Variants in LMO7 observed in about 807,000 individuals in gnomAD.
LMO7 encodes LIM domain 7.
LMO7 carries 120 observed loss-of-function variants against 206.5 expected under a neutral mutation model. The ratio of observed to expected loss-of-function variants is 0.58; its 90% CI spans 0.50 to 0.68. LMO7 has a LOEUF of 0.68. Among genes scored for constraint, LMO7 ranks in the 30% least tolerant of loss-of-function variants. The pLI is 0.00. For missense variants in LMO7, 1,959 were observed against 1,957.9 expected, an observed-to-expected ratio of 1.00 and a Z score of -0.01; for synonymous variants, 706 against 681.5, an observed-to-expected ratio of 1.04 and a Z score of -0.56.
chr13:75,843,278 C>T (rs1040579678), intron 25 of LMO7, among the ~76,000 whole-genome samples: 4 of 152,084 alleles, frequency 2.6e-5, no homozygotes, highest in South Asian at 4.1e-4. Flanking sequence ...TTTTGATATC[C>T]GCTGAGCCAG....
chr13:75,820,411 A>G (rs1453075104), intron 13 of LMO7, among the ~76,000 whole-genome samples: 1 of 152,160 alleles, frequency 6.6e-6, no homozygotes. Flanking sequence ...GTAATCTTTT[A>G]TTTTTACTAA....
At chr13:75,778,408 A>G (rs1021491602) in intron 4 of LMO7, among the ~76,000 whole-genome samples, 2 of 151,224 alleles carry the variant, frequency 1.3e-5, no homozygotes, top group African/African-American at 4.9e-5. Context: ...AATTTTTTGT[A>G]TTTTTAGTAG....
intron 3 of LMO7, among the ~76,000 whole-genome samples, chr13:75,732,656 C>T (rs2045368011): frequency 6.6e-6 from 1 of 152,180 alleles, no homozygotes; most frequent in African/African-American, 2.4e-5. Context: ...AGCTTTGTTC[C>T]ATTGCTGGTG....
chr13:75,661,248 A>G (rs2139260273), intron 1 of LMO7, among the ~76,000 whole-genome samples: 1 of 152,288 alleles, frequency 6.6e-6, no homozygotes, highest in African/African-American at 2.4e-5. Context: ...CTGTGTATAT[A>G]TAGTAGATGC....
intron 2 of LMO7, chr13:75,628,039 T>C (rs2034443493): frequency 1.3e-5 from 2 of 152,310 alleles, no homozygotes; most frequent in Middle Eastern, 3.4e-3. Flanking sequence ...TTTCAAATTA[T>C]GGGGTTGGTC....
intron 4 of LMO7, among the ~76,000 whole-genome samples, chr13:75,790,981 C>T (rs1229991517): frequency 7.8e-6 from 1 of 128,778 alleles, no homozygotes; most frequent in Non-Finnish European, 1.6e-5. Flanking sequence ...TCATATCTAC[C>T]CCTTTTTTTT....
At chr13:75,775,530 T>A (rs1054087995) in intron 4 of LMO7, among the ~76,000 whole-genome samples, 1 of 152,058 alleles carries the variant, frequency 6.6e-6, no homozygotes. Flanking sequence ...AGAGTAAATG[T>A]ATAATCTAAA....
chr13:75,723,252 A>G (rs955551995), intron 2 of LMO7, among the ~76,000 whole-genome samples: 1 of 152,208 alleles, frequency 6.6e-6, no homozygotes, highest in African/African-American at 2.4e-5. Flanking sequence ...TAATGCCTTT[A>G]TTATATCTTT....
chr13:75,779,064 T>G (rs2050924498), intron 4 of LMO7, among the ~76,000 whole-genome samples: 1 of 152,094 alleles, frequency 6.6e-6, no homozygotes, highest in Non-Finnish European at 1.5e-5. Context: ...GAAAGGGAGT[T>G]GTTTGGCTTA....
intron 6 of LMO7, among the ~76,000 whole-genome samples, chr13:75,797,396 C>G (rs890192446): frequency 3.9e-5 from 6 of 152,130 alleles, no homozygotes; most frequent in Non-Finnish European, 8.8e-5. Flanking sequence ...CAGGACTGAC[C>G]GTAGTTCTGC....
intron 3 of LMO7, among the ~76,000 whole-genome samples, chr13:75,727,894 C>T (rs182870794): frequency 2.5e-3 from 383 of 151,452 alleles, no homozygotes; most frequent in Non-Finnish European, 3.8e-3. Flanking sequence ...TTTGTCCTTG[C>T]GATAGTTTAC....
upstream of LMO7, chr13:75,636,310 C>G (rs931795087): frequency 1.5e-5 from 16 of 1,094,262 alleles, no homozygotes; most frequent in African/African-American, 2.6e-4. Context: ...ACGGCGGCGG[C>G]GCTGCGACTT....
At chr13:75,790,884 A>G (rs981508841) in intron 4 of LMO7, among the ~76,000 whole-genome samples, 13 of 152,114 alleles carry the variant, frequency 8.5e-5, no homozygotes, top group Admixed American at 3.9e-4. Context: ...AATATTAAAC[A>G]TGTAAAAGTT....
At chr13:75,840,005 A>T in intron 20 of LMO7, 80 bp from the exon 21 acceptor site, 1 of 1,339,832 alleles carries the variant, frequency 7.5e-7, no homozygotes, top group Non-Finnish European at 1.1e-6. Context: ...TAATGATAGA[A>T]GTTTCTGAAA....
chr13:75,815,461 T>G (rs996912429), intron 11 of LMO7, among the ~76,000 whole-genome samples: 1 of 152,106 alleles, frequency 6.6e-6, no homozygotes, highest in African/African-American at 2.4e-5. Context: ...TTTACTGATA[T>G]AAGGAGAGTG....
chr13:75,655,352 A>C (rs2037957744), intron 1 of LMO7, among the ~76,000 whole-genome samples: 1 of 152,148 alleles, frequency 6.6e-6, no homozygotes, highest in Admixed American at 6.5e-5. Flanking sequence ...AAACTGTTAC[A>C]AGCTTATTTG....
At position 75,793,640 on chromosome 13, in the gene LMO7, A is replaced by G. The variant is rs535282595; in HGVS notation, c.318-1761A>G. 6.6e-5 allele frequency among the ~76,000 whole-genome samples: 10 copies of G among 152,342 alleles called. No homozygotes were observed. The East Asian group carries it at 1.2e-3, about 18-fold the overall frequency. The stretch of plus-strand genomic sequence containing the variant: ...AAGAGTTAAGCTATGGTTTGAGCAC[A>G]TGGGCTGTGGAATTTATTCTACTTG... On this transcript the variant is annotated intron_variant, in intron 4 of 30. Coordinates refer to ENST00000377534, the MANE Select transcript of LMO7 (RefSeq NM_001306080.2).
intron 26 of LMO7, among the ~76,000 whole-genome samples, chr13:75,848,747 A>G (rs1209214178): frequency 6.6e-6 from 1 of 151,704 alleles, no homozygotes; most frequent in African/African-American, 2.4e-5. Flanking sequence ...TCATATAATG[A>G]CATCTTTTCC....
intron 12 of LMO7, among the ~76,000 whole-genome samples, chr13:75,818,367 C>G (rs953092158): frequency 6.6e-6 from 1 of 152,092 alleles, no homozygotes; most frequent in Non-Finnish European, 1.5e-5. Flanking sequence ...ATAAATCAAA[C>G]GTACTTTGCA....
Sources: gnomAD v4.1 joint callset for allele counts (sites outside exome capture counted in the v4.1 genomes callset) on GRCh38, gnomAD v4.1.1 for gene constraint, MANE v1.5 for transcripts, NCBI Gene and HGNC (gene_info 2026-07-23, HGNC 2026-07-21) for gene names.